Variants in RSRC1 observed in about 807,000 individuals in gnomAD.
RSRC1 encodes the protein arginine and serine rich coiled-coil 1, also known as serine/Arginine-related protein 53.
In RSRC1, 39 loss-of-function variants were observed where a neutral mutation model predicts 49.1. The ratio of observed to expected loss-of-function variants is 0.79; its 90% CI spans 0.61 to 1.04. The LOEUF is 1.04. Ranked by LOEUF, RSRC1 falls within the 50% of genes least tolerant of loss-of-function variation. The pLI, the probability that RSRC1 is intolerant of heterozygous loss-of-function variation, is 0.00. For missense variants in RSRC1, 388 were observed against 402.4 expected (o/e 0.96, Z 0.31); for synonymous variants, 143 against 130.8 (o/e 1.09, Z -0.63).
rs552247466 is a variant in RSRC1 at position 158,386,192 on chromosome 3, G to GT, written c.583+31290dup. On this transcript the variant is annotated intron_variant, in intron 6 of 9. Transcript: ENST00000611884. The stretch of plus-strand genomic sequence containing the variant: ...AAAAAAGGCATTTTTTAAAAAAGCT[G>GT]TTTTTTGTCTTTTAACTTTGTGGAC... 8.9e-4 allele frequency among the ~76,000 whole-genome samples: 135 copies of GT among 151,984 alleles called. 1 individual carries two copies. The highest frequency in any genetic ancestry group is 3.1e-3 in the African/African-American group (127 of 41,520).
At position 158,192,197 on chromosome 3, in the gene RSRC1, TCTGTGCATA is replaced by T. The variant is rs1192088842; in HGVS notation, c.321-10860_321-10852del. 7.2e-5 allele frequency among the ~76,000 whole-genome samples: 11 copies of T among 152,200 alleles called. No individual in the cohort carries two copies. In the South Asian group the frequency reaches 1.7e-3, roughly 23 times the overall value. On this transcript the variant is annotated intron_variant, in intron 3 of 9. Transcript: ENST00000611884. The stretch of plus-strand genomic sequence containing the variant: ...GCAGGGGGAAGGTCCAATAGCTTAT[TCTGTGCATA>T]CTGTGCATACTGTGATGTTTTAAAA...
rs1328872926 is a variant in RSRC1 at position 158,162,558 on chromosome 3, G to T, written c.320+38567G>T. ...TTAACTCTGTAAATTCATTAACTTG[G>T]TTTATTAAAATCTAAGCCTTTGCAT... On this transcript the variant is annotated intron_variant, in intron 3 of 9. Transcript: ENST00000611884. Among the ~76,000 whole-genome samples, 4 of 152,058 alleles carry T rather than the reference G, an allele frequency of 2.6e-5. No homozygotes were observed. The East Asian group carries it at 7.7e-4, about 29-fold the overall frequency.
intron 7 of RSRC1, among the ~76,000 whole-genome samples, chr3:158,508,270 C>T (rs982590764): frequency 6.6e-6 from 1 of 151,938 alleles, no homozygotes; most frequent in Admixed American, 6.6e-5. Context: ...AAAGATCTTC[C>T]TATTTCTGTT....
At chr3:158,308,908 T>G (rs1271349123) in intron 5 of RSRC1, among the ~76,000 whole-genome samples, 1 of 151,970 alleles carries the variant, frequency 6.6e-6, no homozygotes, top group African/African-American at 2.4e-5. Flanking sequence ...ATAAAACTTT[T>G]TATGGGAGTG....
At chr3:158,542,852 C>G (rs1713117065) in intron 8 of RSRC1, among the ~76,000 whole-genome samples, 1 of 152,076 alleles carries the variant, frequency 6.6e-6, no homozygotes, top group Non-Finnish European at 1.5e-5. Flanking sequence ...GGCTATTTTT[C>G]TAAAGATAAC....
At chr3:158,437,618 C>A (rs780873910) in intron 6 of RSRC1, among the ~76,000 whole-genome samples, 11 of 152,130 alleles carry the variant, frequency 7.2e-5, no homozygotes, top group Admixed American at 2.0e-4. Flanking sequence ...AACAGCTCTT[C>A]ATGCTAAACA....
chr3:158,191,460 A>G (rs528554821), intron 3 of RSRC1, among the ~76,000 whole-genome samples: 5 of 152,218 alleles, frequency 3.3e-5, no homozygotes, highest in African/African-American at 1.2e-4. Context: ...ACATGTGTTT[A>G]GAACTTATTA....
rs67839411 is a variant in RSRC1 at position 158,477,798 on chromosome 3, T to TTATATATATATATATATA, written c.652+16807_652+16824dup. On this transcript the variant is annotated intron_variant, in intron 7 of 9. Transcript: ENST00000611884. The stretch of plus-strand genomic sequence containing the variant: ...TGATGGGATAGGTTGCGGGAGGGAT[T>TTATATATATATATATATA]TATATATATATATATATATATATAT... 5.7e-4 allele frequency among the ~76,000 whole-genome samples: 51 copies of TTATATATATATATATATA among 89,758 alleles called. 1 individual carries two copies. The highest frequency in any genetic ancestry group is 2.2e-3 in the African/African-American group (48 of 21,636). The allele number at this position is 89,758 out of a possible 152,430, so 58.9% of individuals were successfully genotyped here.
chr3:158,386,855 G>A (rs949667788), intron 6 of RSRC1, among the ~76,000 whole-genome samples: 4 of 151,240 alleles, frequency 2.6e-5, no homozygotes, highest in Admixed American at 1.3e-4. Flanking sequence ...ATTTTATTAC[G>A]TATTATTGCA....
intron 4 of RSRC1, among the ~76,000 whole-genome samples, chr3:158,267,720 T>A (rs1188503727): frequency 6.6e-6 from 1 of 152,054 alleles, no homozygotes; most frequent in African/African-American, 2.4e-5. Context: ...AGATTTCCCA[T>A]CCATTCATTG....
intron 7 of RSRC1, among the ~76,000 whole-genome samples, chr3:158,462,005 A>C (rs1737643078): frequency 6.6e-6 from 1 of 151,738 alleles, no homozygotes; most frequent in African/African-American, 2.4e-5. Context: ...GCGAAAAAAA[A>C]AAAAAAAACT....
chr3:158,378,690 G>C (rs1001171323), intron 6 of RSRC1, among the ~76,000 whole-genome samples: 5 of 152,174 alleles, frequency 3.3e-5, no homozygotes, highest in Non-Finnish European at 7.3e-5. Flanking sequence ...GCCTTTCTCT[G>C]ATTCTCTCTT....
chr3:158,306,194 C>A (rs1196440337), intron 5 of RSRC1, among the ~76,000 whole-genome samples: 1 of 151,988 alleles, frequency 6.6e-6, no homozygotes, highest in East Asian at 1.9e-4. Flanking sequence ...TCTTTTCCTA[C>A]CTGCCATCAA....
chr3:158,514,562 G>A (rs559036365), intron 7 of RSRC1, among the ~76,000 whole-genome samples: 18 of 152,264 alleles, frequency 1.2e-4, no homozygotes, highest in African/African-American at 4.3e-4. Context: ...TGGAATAGGT[G>A]TGGTGTGGTG....
intron 7 of RSRC1, among the ~76,000 whole-genome samples, chr3:158,466,424 A>G (rs1311956671): frequency 6.6e-6 from 1 of 152,194 alleles, no homozygotes; most frequent in Non-Finnish European, 1.5e-5. Context: ...TACAAACACA[A>G]ATTTCAAGAC....
intron 6 of RSRC1, among the ~76,000 whole-genome samples, chr3:158,378,457 C>G (rs1732501837): frequency 6.6e-6 from 1 of 152,194 alleles, no homozygotes; most frequent in African/African-American, 2.4e-5. Flanking sequence ...GTTGTGAATA[C>G]TCTGCATTCT....
At chr3:158,411,249 G>A (rs778584101) in intron 6 of RSRC1, among the ~76,000 whole-genome samples, 28 of 152,084 alleles carry the variant, frequency 1.8e-4, no homozygotes, top group Non-Finnish European at 3.2e-4. Context: ...GAATAAGGCT[G>A]CTTTGAACAT....
At chr3:158,506,653 T>G (rs906861018) in intron 7 of RSRC1, among the ~76,000 whole-genome samples, 15 of 151,648 alleles carry the variant, frequency 9.9e-5, no homozygotes, top group African/African-American at 3.6e-4. Flanking sequence ...AAATGGCCGT[T>G]ACTGAAAAGA....
intron 5 of RSRC1, among the ~76,000 whole-genome samples, chr3:158,340,403 TG>T (rs1489534176): frequency 2.0e-5 from 3 of 152,100 alleles, no homozygotes; most frequent in Non-Finnish European, 4.4e-5. Flanking sequence ...TAGCTGGGCA[TG>T]ATGGCATGCA....
Sources: gnomAD v4.1 joint callset for allele counts (sites outside exome capture counted in the v4.1 genomes callset) on GRCh38, gnomAD v4.1.1 for gene constraint, MANE v1.5 for transcripts, NCBI Gene and HGNC (gene_info 2026-07-23, HGNC 2026-07-21) for gene names.